Variants in COP1 observed in about 807,000 individuals in gnomAD.
The protein encoded by COP1 is COP1 E3 ubiquitin ligase, also known as E3 ubiquitin-protein ligase COP1.
A neutral mutation model predicts 101.3 loss-of-function variants in COP1; 24 were observed. That is an observed-to-expected ratio of 0.24 (90% CI 0.17 to 0.33). The LOEUF is 0.33. Among genes scored for constraint, COP1 ranks in the 10% least tolerant of loss-of-function variants. The probability of loss-of-function intolerance (pLI) is 1.00; values close to 1 mark genes in which losing one functional copy is unlikely to be tolerated. For synonymous variants in COP1, 347 were observed against 341.9 expected (o/e 1.01, Z -0.17); for missense variants, 663 against 906.2 (o/e 0.73, Z 3.45).
chr1:176,179,360 G>A (rs551459950), intron 2 of COP1, among the ~76,000 whole-genome samples: 1 of 152,172 alleles, frequency 6.6e-6, no homozygotes, highest in East Asian at 1.9e-4. Flanking sequence ...AACATTATGG[G>A]TTTTAGCAAA....
intron 6 of COP1, among the ~76,000 whole-genome samples, chr1:176,144,541 C>T (rs1366796302): frequency 2.0e-5 from 3 of 152,108 alleles, no homozygotes; most frequent in Admixed American, 2.0e-4. Flanking sequence ...ATAAAAAGCA[C>T]AGTAAGTTTA....
intron 3 of COP1, among the ~76,000 whole-genome samples, chr1:176,168,022 G>A (rs1231554916): frequency 6.6e-6 from 1 of 151,868 alleles, no homozygotes; most frequent in African/African-American, 2.4e-5. Context: ...TAGTGGTTAA[G>A]AGGATTATTC....
In COP1 at chr1:176,206,591, T is replaced by C; in HGVS notation, c.388A>G (p.Lys130Glu). The C allele has an allele frequency of 1.9e-6, 3 of 1,611,382 alleles. No individual in the cohort carries two copies. Among genetic ancestry groups the C allele is most frequent in the African/African-American group, 2.7e-5 (2 of 75,058 alleles). The change falls in exon 1 of 20, where the codon AAA becomes GAA. Residue 130 changes from lysine to glutamate, a missense_variant. By Grantham distance (56) the Lys-to-Glu change is moderately conservative. Coordinates refer to ENST00000367669, the MANE Select transcript of COP1 (RefSeq NM_022457.7). Reference sequence around the variant, plus strand: ...ACCCACCATACGAAGTCGTTGCTTTTGTCCTCGTAGGAGTTGATGAGCCCG... The same window carrying C: ...ACCCACCATACGAAGTCGTTGCTTTCGTCCTCGTAGGAGTTGATGAGCCCG... Reference protein sequence around the residue: ...CNGLINSYEDKSNDFVCPICF... With the variant: ...CNGLINSYEDESNDFVCPICF...
At chr1:175,951,593 G>C (rs1179803470) in intron 18 of COP1, among the ~76,000 whole-genome samples, 2 of 151,814 alleles carry the variant, frequency 1.3e-5, no homozygotes, top group Non-Finnish European at 2.9e-5. Context: ...TGATCTTTGA[G>C]AGAAAAGAAA....
At chr1:176,096,351 C>T (rs1682367758) in intron 9 of COP1, among the ~76,000 whole-genome samples, 2 of 152,168 alleles carry the variant, frequency 1.3e-5, no homozygotes, top group South Asian at 4.1e-4. Flanking sequence ...TGGCCACAGG[C>T]TCAGGCTCAG....
chr1:176,166,784 A>T (rs1467205784), intron 3 of COP1, among the ~76,000 whole-genome samples: 1 of 152,186 alleles, frequency 6.6e-6, no homozygotes, highest in African/African-American at 2.4e-5. Context: ...AAAAAATACA[A>T]AACTTTCCCA....
chr1:176,186,974 G>GA (rs1558283578), intron 1 of COP1, among the ~76,000 whole-genome samples: 1 of 151,850 alleles, frequency 6.6e-6, no homozygotes, highest in South Asian at 2.1e-4. Flanking sequence ...TATTTAAAAA[G>GA]AAAAAAGAAA....
intron 6 of COP1, 130 bp downstream of exon 6, chr1:176,148,876 G>A: frequency 1.7e-6 from 1 of 578,464 alleles, no homozygotes; most frequent in Non-Finnish European, 3.0e-6. Context: ...AAATCTTAAG[G>A]AAACCTCCTA....
In COP1 at chr1:176,014,302, T is replaced by C. The variant is rs550753043; in HGVS notation, c.1729+13270A>G. 7.4e-4 allele frequency among the ~76,000 whole-genome samples: 113 copies of C among 152,334 alleles called. 2 individuals carry two copies. Among genetic ancestry groups the C allele is most frequent in the Admixed American group, 4.0e-3 (61 of 15,304 alleles). On this transcript the variant is annotated intron_variant, in intron 15 of 19. Coordinates refer to ENST00000367669, the MANE Select transcript of COP1 (RefSeq NM_022457.7). ...ACAATCATCAGTGTGTCAAGCACTG[T>C]CTACTCTCATCAATGCAAGTTCAGA...
intron 11 of COP1, among the ~76,000 whole-genome samples, chr1:176,049,308 T>G (rs1469684448): frequency 6.6e-6 from 1 of 152,166 alleles, no homozygotes; most frequent in South Asian, 2.1e-4. Context: ...TTAGTGACAT[T>G]AGCTAACTCT....
intron 18 of COP1, among the ~76,000 whole-genome samples, chr1:175,978,804 G>A (rs896881013): frequency 1.3e-5 from 2 of 152,162 alleles, no homozygotes; most frequent in African/African-American, 4.8e-5. Context: ...CAGAAAGAAA[G>A]AGAAGAAGCT....
intron 15 of COP1, among the ~76,000 whole-genome samples, chr1:176,002,648 T>C (rs1353576419): frequency 6.7e-6 from 1 of 149,508 alleles, no homozygotes; most frequent in Non-Finnish European, 1.5e-5. Context: ...AGAATGATGA[T>C]TTCCAATTTC....
chr1:176,133,939 A>C, intron 8 of COP1: 1 of 438,982 alleles, frequency 2.3e-6, no homozygotes, highest in South Asian at 1.6e-5. Context: ...GTCATTCTCA[A>C]ATGTTTCAAA....
chr1:175,967,488 AAAACAAACAAAC>A (rs71129535), intron 18 of COP1, among the ~76,000 whole-genome samples: 113,402 of 150,978 alleles, frequency 0.75, 44,499 homozygotes, highest in East Asian at 0.92. Flanking sequence ...TCAGTCTCAA[AAAACAAACAAAC>A]AAACAAACAA....
intron 15 of COP1, among the ~76,000 whole-genome samples, chr1:176,005,587 T>G: frequency 6.6e-6 from 1 of 152,222 alleles, no homozygotes; most frequent in Non-Finnish European, 1.5e-5. Flanking sequence ...ACATCTTTAT[T>G]TCTGCCTTCA....
intron 18 of COP1, among the ~76,000 whole-genome samples, chr1:175,979,671 A>T (rs1419111209): frequency 6.6e-6 from 1 of 152,082 alleles, no homozygotes; most frequent in Admixed American, 6.6e-5. Flanking sequence ...TGGGCTGGAG[A>T]TTATATCCCA....
At position 175,960,373 on chromosome 1, in the gene COP1, T is replaced by C. The variant is rs115689125; in HGVS notation, c.2134-13134A>G. The stretch of plus-strand genomic sequence containing the variant: ...AATAAAACTAAGCTAACAGAACCAT[T>C]TTTATGATCAAACAGACACATACAT... On this transcript the variant is annotated intron_variant, in intron 18 of 19. Transcript: ENST00000367669. 1.9e-3 allele frequency among the ~76,000 whole-genome samples: 288 copies of C among 152,292 alleles called. 3 individuals carry two copies. The highest frequency in any genetic ancestry group is 6.7e-3 in the African/African-American group (278 of 41,550).
intron 18 of COP1, chr1:175,982,268 T>C (rs1257619839): frequency 1.6e-5 from 7 of 436,188 alleles, no homozygotes; most frequent in Non-Finnish European, 2.3e-5. Flanking sequence ...ACAGCAAAGA[T>C]ATGAAATCAA....
chr1:176,063,770 TACAC>T (rs1035008889), intron 11 of COP1, among the ~76,000 whole-genome samples: 13 of 152,214 alleles, frequency 8.5e-5, no homozygotes, highest in Non-Finnish European at 1.6e-4. Context: ...ATTGTAAAAA[TACAC>T]AAATAGGAAA....
Sources: gnomAD v4.1 joint callset for allele counts (sites outside exome capture counted in the v4.1 genomes callset) on GRCh38, gnomAD v4.1.1 for gene constraint, MANE v1.5 for transcripts, NCBI Gene and HGNC (gene_info 2026-07-23, HGNC 2026-07-21) for gene names.